Variants in CMKLR1 observed in about 807,000 individuals in gnomAD.
CMKLR1 encodes the protein chemerin chemokine-like receptor 1.
A neutral mutation model predicts 8.2 loss-of-function variants in CMKLR1; 6 were observed. The ratio of observed to expected loss-of-function variants is 0.73; its 90% CI spans 0.40 to 1.44. The LOEUF is 1.44. CMKLR1 is among the 40% of genes most tolerant of loss of function. CMKLR1 has a pLI of 0.02. For missense variants in CMKLR1, 429 were observed against 478.0 expected (o/e 0.90, Z 0.96); for synonymous variants, 178 against 181.2 (o/e 0.98, Z 0.14).
intron 2 of CMKLR1, among the ~76,000 whole-genome samples, chr12:108,316,889 C>T (rs1274081783): frequency 6.6e-6 from 1 of 152,186 alleles, no homozygotes; most frequent in Non-Finnish European, 1.5e-5. Flanking sequence ...CCTCAACCTC[C>T]CTGGGCTCAA....
chr12:108,323,366 A>G (rs199967198), intron 2 of CMKLR1, among the ~76,000 whole-genome samples: 3 of 135,672 alleles, frequency 2.2e-5, no homozygotes, highest in South Asian at 2.3e-4. Flanking sequence ...TTATTTATTT[A>G]TTTTTGTGGC....
At chr12:108,305,185 G>A (rs1241906882) in intron 2 of CMKLR1, among the ~76,000 whole-genome samples, 2 of 152,166 alleles carry the variant, frequency 1.3e-5, no homozygotes, top group Admixed American at 1.3e-4. Flanking sequence ...CTTGTTTATG[G>A]TGTATCCCCA....
rs140510886 is a variant in CMKLR1, at chr12:108,307,310, T to C, written c.-73-13646A>G. On this transcript the variant is annotated intron_variant, in intron 2 of 3. Coordinates refer to ENST00000550402, the MANE Select transcript of CMKLR1 (RefSeq NM_001142343.2). ...CACGCACTTGGTGTGCTGTTCTGGGTGTGGGCTTGGAATCTCGACTCTGGG... is the reference window on the plus strand; with the variant it reads ...CACGCACTTGGTGTGCTGTTCTGGGCGTGGGCTTGGAATCTCGACTCTGGG... Among the ~76,000 whole-genome samples, 814 of 152,246 alleles carry C rather than the reference T, an allele frequency of 5.3e-3. 6 individuals are homozygous for C. Among genetic ancestry groups the C allele is most frequent in the Middle Eastern group, 0.017 (5 of 294 alleles).
chr12:108,337,164 C>T (rs571009653), intron 1 of CMKLR1, among the ~76,000 whole-genome samples: 1 of 152,296 alleles, frequency 6.6e-6, no homozygotes, highest in South Asian at 2.1e-4. Flanking sequence ...GTTCTACTCC[C>T]TTTTGTGGGG....
intron 2 of CMKLR1, among the ~76,000 whole-genome samples, chr12:108,300,161 A>C (rs1891231481): frequency 6.6e-6 from 1 of 152,210 alleles, no homozygotes; most frequent in African/African-American, 2.4e-5. Context: ...CCAGGGCGCC[A>C]TGTGGCTTGA....
At chr12:108,321,549 AC>A (rs1371408056) in intron 2 of CMKLR1, among the ~76,000 whole-genome samples, 1 of 151,810 alleles carries the variant, frequency 6.6e-6, no homozygotes, top group Non-Finnish European at 1.5e-5. Context: ...GTCACTCACC[AC>A]CCCCTAACTC....
intron 2 of CMKLR1, among the ~76,000 whole-genome samples, chr12:108,297,335 A>T (rs1363471013): frequency 6.6e-6 from 1 of 152,234 alleles, no homozygotes; most frequent in Non-Finnish European, 1.5e-5. Flanking sequence ...TAATACATAT[A>T]ACATAAAAAA....
rs577034466 is a variant in CMKLR1, at chr12:108,290,023, C to T, written c.*1818G>A. 8 of 152,392 alleles carry T rather than the reference C, an allele frequency of 5.2e-5. No homozygotes were observed. In the East Asian group the frequency reaches 1.5e-3, roughly 29 times the overall value. The allele number at this position is 152,392 out of a possible 1,614,324, so 9.4% of individuals were successfully genotyped here. The stretch of plus-strand genomic sequence containing the variant: ...CAAGGGACTGCCTCCTGCCAGCTTT[C>T]CCTCCCCATTGCCTTGATCTCTGGA... On this transcript the variant is annotated 3_prime_UTR_variant, in exon 4 of 4. Coordinates refer to ENST00000550402, the MANE Select transcript of CMKLR1 (RefSeq NM_001142343.2).
chr12:108,309,730 T>C (rs1245685822), intron 2 of CMKLR1, among the ~76,000 whole-genome samples: 1 of 152,156 alleles, frequency 6.6e-6, no homozygotes, highest in East Asian at 1.9e-4. Context: ...GGGCTTGCAT[T>C]ACAGAACAGG....
intron 2 of CMKLR1, among the ~76,000 whole-genome samples, chr12:108,323,932 C>A (rs950157388): frequency 6.6e-6 from 1 of 152,188 alleles, no homozygotes; most frequent in Admixed American, 6.5e-5. Flanking sequence ...AGCCAAGGAC[C>A]TCTGATAAGA....
At chr12:108,307,778 G>C (rs1891446806) in intron 2 of CMKLR1, among the ~76,000 whole-genome samples, 1 of 152,204 alleles carries the variant, frequency 6.6e-6, no homozygotes. Flanking sequence ...TCGGGACAGG[G>C]CATTAACACC....
At chr12:108,314,456 G>A (rs534589883) in intron 2 of CMKLR1, among the ~76,000 whole-genome samples, 1 of 152,310 alleles carries the variant, frequency 6.6e-6, no homozygotes, top group East Asian at 1.9e-4. Flanking sequence ...ACGGAACGGG[G>A]TCTCCAGTTC....
intron 1 of CMKLR1, among the ~76,000 whole-genome samples, chr12:108,336,076 C>A (rs1160226773): frequency 1.3e-5 from 2 of 152,138 alleles, no homozygotes; most frequent in Non-Finnish European, 2.9e-5. Flanking sequence ...TATTGTGCAG[C>A]AAAGAACCCA....
At chr12:108,301,795 T>C (rs758748891) in intron 2 of CMKLR1, among the ~76,000 whole-genome samples, 1 of 152,206 alleles carries the variant, frequency 6.6e-6, no homozygotes, top group Non-Finnish European at 1.5e-5. Flanking sequence ...GTGTTGCTAT[T>C]TGTGGCTCCA....
chr12:108,316,933 G>C (rs1054149724), intron 2 of CMKLR1, among the ~76,000 whole-genome samples: 1 of 152,082 alleles, frequency 6.6e-6, no homozygotes, highest in Non-Finnish European at 1.5e-5. Flanking sequence ...TGAGTAGCTA[G>C]GACTACTACA....
At chr12:108,337,512 G>T (rs1892255231) in intron 1 of CMKLR1, among the ~76,000 whole-genome samples, 1 of 152,290 alleles carries the variant, frequency 6.6e-6, no homozygotes, top group Non-Finnish European at 1.5e-5. Context: ...CGGCTAGAAG[G>T]AGAGACAGAC....
intron 2 of CMKLR1, among the ~76,000 whole-genome samples, chr12:108,313,855 C>G (rs1433133678): frequency 6.6e-6 from 1 of 152,342 alleles, no homozygotes; most frequent in East Asian, 1.9e-4. Flanking sequence ...TGACCTTGAG[C>G]AAACTGCCAC....
rs756604451 is a variant in CMKLR1, at chr12:108,293,597, G to A, written c.-6C>T. 86 of 1,545,994 alleles carry A rather than the reference G, an allele frequency of 5.6e-5. No individual in the cohort carries two copies. In the Middle Eastern group the frequency reaches 2.2e-3, roughly 39 times the overall value. On this transcript the variant is annotated 5_prime_UTR_variant, in exon 3 of 4. It adds an upstream start codon to the 5' untranslated region. Transcript: ENST00000550402. The stretch of plus-strand genomic sequence containing the variant: ...CCACAAGACTTCCTCACCATTCACC[G>A]TTATGTTGTCTGCAGCTCTCCAATG...
intron 1 of CMKLR1, among the ~76,000 whole-genome samples, chr12:108,334,669 C>G (rs934732785): frequency 6.6e-6 from 1 of 152,188 alleles, no homozygotes; most frequent in African/African-American, 2.4e-5. Flanking sequence ...ACATGAACAC[C>G]AACATTCAAA....
Sources: gnomAD v4.1 joint callset for allele counts (sites outside exome capture counted in the v4.1 genomes callset) on GRCh38, gnomAD v4.1.1 for gene constraint, MANE v1.5 for transcripts, NCBI Gene and HGNC (gene_info 2026-07-23, HGNC 2026-07-21) for gene names.